PTPRD: variants seen among roughly 807,000 people sequenced by gnomAD.
PTPRD encodes the protein protein tyrosine phosphatase receptor type D, also known as receptor-type tyrosine-protein phosphatase delta.
In PTPRD, 34 loss-of-function variants were observed where a neutral mutation model predicts 214.5. That is an observed-to-expected ratio of 0.16 (90% CI 0.12 to 0.21). The LOEUF (loss-of-function observed/expected upper bound fraction) is 0.21. Ranked by LOEUF, PTPRD falls within the 10% of genes least tolerant of loss-of-function variation. The pLI is 1.00. For synonymous variants in PTPRD, 1,128 were observed against 845.7 expected, an observed-to-expected ratio of 1.33 and a Z score of -5.79; for missense variants, 2,545 against 2,398.7, an observed-to-expected ratio of 1.06 and a Z score of -1.27.
At chr9:9,835,158 T>G (rs1472149265) in intron 5 of PTPRD, among the ~76,000 whole-genome samples, 1 of 152,074 alleles carries the variant, frequency 6.6e-6, no homozygotes, top group Non-Finnish European at 1.5e-5. Flanking sequence ...ATACATAGTG[T>G]TAGTACAAAA....
Position 8,644,304 on chromosome 9 carries a change from C to G in PTPRD, c.65-7460G>C, listed in dbSNP as rs374956456. Among the ~76,000 whole-genome samples, 57 of 152,218 alleles carry G rather than the reference C, an allele frequency of 3.7e-4. 1 individual carries two copies. In the South Asian group the frequency reaches 9.3e-3, roughly 25 times the overall value. ...CAGGAGCTGAACATTCATCAGGACA[C>G]CCTGAGACGGAGAGAAGATGCCCAC... On this transcript the variant is annotated intron_variant, in intron 12 of 45. Coordinates refer to ENST00000381196, the MANE Select transcript of PTPRD (RefSeq NM_002839.4).
chr9:8,476,880 C>G (rs2096776385), intron 30 of PTPRD, among the ~76,000 whole-genome samples: 2 of 152,134 alleles, frequency 1.3e-5, no homozygotes, highest in South Asian at 4.1e-4. Context: ...TCAGTCTCAT[C>G]AAGCTTTTTC....
chr9:9,087,716 T>G (rs559486016), intron 10 of PTPRD, among the ~76,000 whole-genome samples: 1 of 152,176 alleles, frequency 6.6e-6, no homozygotes, highest in South Asian at 2.1e-4. Context: ...AGGGAGCTTG[T>G]AGTAATTTTT....
At chr9:9,224,007 T>C (rs1411475206) in intron 9 of PTPRD, among the ~76,000 whole-genome samples, 1 of 152,032 alleles carries the variant, frequency 6.6e-6, no homozygotes, top group Non-Finnish European at 1.5e-5. Context: ...GTATTTCTAC[T>C]AATCTGCTTA....
chr9:8,892,631 GTGTGTATATATA>G (rs1354756627), intron 11 of PTPRD, among the ~76,000 whole-genome samples: 4 of 147,222 alleles, frequency 2.7e-5, no homozygotes, highest in Non-Finnish European at 6.0e-5. Flanking sequence ...GTATATATAT[GTGTGTATATATA>G]TGTGTATATA....
At chr9:9,202,547 T>A in intron 9 of PTPRD, among the ~76,000 whole-genome samples, 1 of 152,190 alleles carries the variant, frequency 6.6e-6, no homozygotes, top group East Asian at 1.9e-4. Flanking sequence ...AGATGCAAGC[T>A]TGATCAACAG....
intron 3 of PTPRD, among the ~76,000 whole-genome samples, chr9:10,168,019 T>G (rs1564275834): frequency 6.6e-6 from 1 of 152,098 alleles, no homozygotes; most frequent in South Asian, 2.1e-4. Context: ...TCCTTGGAAG[T>G]GAGGGTAGGA....
intron 3 of PTPRD, among the ~76,000 whole-genome samples, chr9:10,293,348 T>C (rs369357141): frequency 6.6e-6 from 1 of 151,960 alleles, no homozygotes; most frequent in African/African-American, 2.4e-5. Flanking sequence ...TGTATATCAA[T>C]TTAAAAACAG....
chr9:9,669,775 A>T (rs944394861), intron 7 of PTPRD, among the ~76,000 whole-genome samples: 2 of 152,212 alleles, frequency 1.3e-5, no homozygotes, highest in African/African-American at 4.8e-5. Flanking sequence ...ATGTTTAAAT[A>T]TAAACCTTTA....
At chr9:10,172,982 T>C (rs2099220206) in intron 3 of PTPRD, among the ~76,000 whole-genome samples, 1 of 152,234 alleles carries the variant, frequency 6.6e-6, no homozygotes, top group African/African-American at 2.4e-5. Flanking sequence ...GTCACATAAA[T>C]ATGACTGGAG....
intron 7 of PTPRD, among the ~76,000 whole-genome samples, chr9:9,649,394 G>C (rs577383918): frequency 6.6e-6 from 1 of 152,216 alleles, no homozygotes; most frequent in East Asian, 1.9e-4. Context: ...TTGAATGGCA[G>C]CAGTGATTAT....
chr9:9,045,748 C>T (rs746926272), intron 10 of PTPRD, among the ~76,000 whole-genome samples: 78 of 152,240 alleles, frequency 5.1e-4, no homozygotes, highest in Non-Finnish European at 3.8e-4. Context: ...AGCCAGCAAG[C>T]ACCAGCTGTT....
intron 4 of PTPRD, among the ~76,000 whole-genome samples, chr9:10,012,965 A>G (rs1444693276): frequency 6.6e-6 from 1 of 151,988 alleles, no homozygotes; most frequent in East Asian, 1.9e-4. Flanking sequence ...ATGAATAGAT[A>G]AATAAAATAC....
At chr9:8,769,065 A>G (rs1461588096) in intron 11 of PTPRD, among the ~76,000 whole-genome samples, 1 of 152,228 alleles carries the variant, frequency 6.6e-6, no homozygotes, top group Non-Finnish European at 1.5e-5. Flanking sequence ...CATAACGCCA[A>G]CTTTTGTCAA....
intron 7 of PTPRD, among the ~76,000 whole-genome samples, chr9:9,730,749 T>C (rs1444533071): frequency 1.3e-5 from 2 of 152,098 alleles, no homozygotes; most frequent in Admixed American, 1.3e-4. Context: ...AGACTGTAGA[T>C]GAACTAATTA....
intron 6 of PTPRD, among the ~76,000 whole-genome samples, chr9:9,750,075 G>A (rs1273177170): frequency 6.6e-6 from 1 of 152,034 alleles, no homozygotes; most frequent in African/African-American, 2.4e-5. Context: ...TATGATTAAT[G>A]TAAAGCAGTT....
intron 5 of PTPRD, among the ~76,000 whole-genome samples, chr9:9,826,772 C>G (rs776179516): frequency 5.3e-5 from 8 of 151,960 alleles, no homozygotes; most frequent in Admixed American, 5.3e-4. Flanking sequence ...TGTCTCAGCC[C>G]AAAATCTCCT....
chr9:10,081,999 A>C (rs1328352063), intron 3 of PTPRD, among the ~76,000 whole-genome samples: 1 of 152,080 alleles, frequency 6.6e-6, no homozygotes, highest in Non-Finnish European at 1.5e-5. Flanking sequence ...AGTTTATTCT[A>C]CTTTAATTGG....
At chr9:8,448,334 C>T (rs78571829) in intron 34 of PTPRD, among the ~76,000 whole-genome samples, 1,533 of 152,098 alleles carry the variant, frequency 0.01, 28 homozygotes, top group African/African-American at 0.035. Context: ...TCTCAAAAAA[C>T]CCATCAATCA....
Sources: allele counts gnomAD v4.1 joint callset (sites outside exome capture counted in the v4.1 genomes callset), GRCh38; gene constraint gnomAD v4.1.1; transcripts MANE v1.5; gene names NCBI Gene and HGNC (gene_info 2026-07-23, HGNC 2026-07-21).